CNGB3: variants seen among roughly 807,000 people sequenced by gnomAD.
CNGB3 encodes the protein cyclic nucleotide gated channel subunit beta 3, also known as cyclic nucleotide-gated channel beta-3.
A neutral mutation model predicts 92.8 loss-of-function variants in CNGB3; 86 were observed. The observed-to-expected ratio is 0.93, with a 90% CI of 0.78 to 1.11. The LOEUF is 1.11. Ranked by LOEUF, CNGB3 falls within the 50% of genes least tolerant of loss-of-function variation. The probability of loss-of-function intolerance (pLI) is 0.00; values close to 1 mark genes in which losing one functional copy is unlikely to be tolerated. For missense variants in CNGB3, 1,026 were observed against 956.8 expected (o/e 1.07, Z -0.95); for synonymous variants, 333 against 332.7 (o/e 1.00, Z -0.01).
intron 3 of CNGB3, among the ~76,000 whole-genome samples, chr8:86,681,765 A>T (rs1450990905): frequency 6.6e-6 from 1 of 152,208 alleles, no homozygotes; most frequent in Non-Finnish European, 1.5e-5. Flanking sequence ...TTGGCTTCAG[A>T]TTTCTCATTG....
Position 86,654,003 on chromosome 8 carries a change from G to T in CNGB3, c.903+9C>A, listed in dbSNP as rs1289921727. ...CACGTGAGCAACTTTGAAATTGTTT[G>T]TCACCTACCTGAAATTTTGTAGAAG... On this transcript the variant is annotated intron_variant, in intron 7 of 17. Coordinates refer to ENST00000320005, the MANE Select transcript of CNGB3 (RefSeq NM_019098.5). 2 of 1,570,604 alleles carry T rather than the reference G, an allele frequency of 1.3e-6. No homozygotes were observed. Among genetic ancestry groups the T allele is most frequent in the Non-Finnish European group, 8.8e-7 (1 of 1,140,716 alleles).
chr8:86,712,339 G>A (rs1355148476), intron 3 of CNGB3, among the ~76,000 whole-genome samples: 1 of 151,942 alleles, frequency 6.6e-6, no homozygotes, highest in Non-Finnish European at 1.5e-5. Flanking sequence ...TATTACTTCT[G>A]AATTTTGAAT....
chr8:86,651,625 A>T (rs1326119990), intron 7 of CNGB3, among the ~76,000 whole-genome samples: 11 of 151,840 alleles, frequency 7.2e-5, no homozygotes, highest in Admixed American at 7.2e-4. Context: ...TTTCTATTCA[A>T]TTCCTCAACT....
intron 3 of CNGB3, among the ~76,000 whole-genome samples, chr8:86,708,994 A>T (rs549955468): frequency 6.6e-6 from 1 of 152,280 alleles, no homozygotes; most frequent in African/African-American, 2.4e-5. Flanking sequence ...GTGGCTGGTC[A>T]CTCATGTGCA....
chr8:86,635,861 T>TATATATAC (rs796498363), intron 10 of CNGB3, among the ~76,000 whole-genome samples: 1,067 of 65,850 alleles, frequency 0.016, 18 homozygotes, highest in Non-Finnish European at 0.02. Context: ...TATATATATA[T>TATATATAC]ATACACATAC....
intron 6 of CNGB3, among the ~76,000 whole-genome samples, chr8:86,664,989 G>A (rs4960986): frequency 0.88 from 133,300 of 152,240 alleles, 58,494 homozygotes; most frequent in East Asian, 1. Flanking sequence ...TGAGTTCTGA[G>A]AATATGAACA....
chr8:86,582,439 A>C (rs1821806592), intron 15 of CNGB3, among the ~76,000 whole-genome samples: 1 of 152,010 alleles, frequency 6.6e-6, no homozygotes, highest in Non-Finnish European at 1.5e-5. Flanking sequence ...TTAATGTCAG[A>C]TACAAAACCA....
At chr8:86,742,143 G>C (rs1444486688) in intron 1 of CNGB3, among the ~76,000 whole-genome samples, 1 of 152,174 alleles carries the variant, frequency 6.6e-6, no homozygotes, top group Non-Finnish European at 1.5e-5. Context: ...TGTTCTCCAA[G>C]AGAATAATAT....
intron 15 of CNGB3, among the ~76,000 whole-genome samples, chr8:86,582,780 AAC>A (rs978156795): frequency 5.9e-5 from 9 of 152,340 alleles, no homozygotes; most frequent in African/African-American, 2.2e-4. Flanking sequence ...GAAAAACAAA[AAC>A]AGAGGGAATC....
At chr8:86,724,643 A>T (rs1050603954) in intron 3 of CNGB3, among the ~76,000 whole-genome samples, 1 of 152,176 alleles carries the variant, frequency 6.6e-6, no homozygotes, top group Non-Finnish European at 1.5e-5. Flanking sequence ...AAAATGCATC[A>T]GCAATAAATG....
At chr8:86,688,679 C>G (rs947163745) in intron 3 of CNGB3, among the ~76,000 whole-genome samples, 3 of 151,850 alleles carry the variant, frequency 2.0e-5, no homozygotes, top group Admixed American at 6.6e-5. Context: ...TTTTTCATCT[C>G]TCATTTTATT....
rs534575667 is a variant in CNGB3 at position 86,601,329 on chromosome 8, C to T, written c.1781+2764G>A. 7.2e-5 allele frequency among the ~76,000 whole-genome samples: 11 copies of T among 152,244 alleles called. No homozygotes were observed. The East Asian group carries it at 1.7e-3, about 24-fold the overall frequency. On this transcript the variant is annotated intron_variant, in intron 15 of 17. Transcript: ENST00000320005. Reference sequence around the variant, plus strand: ...TGTAAGGAAAATGATGGACCTGGAACCACCACAAGGCCATCTCTCAGCAGA... The same window carrying T: ...TGTAAGGAAAATGATGGACCTGGAATCACCACAAGGCCATCTCTCAGCAGA...
At chr8:86,691,840 G>C (rs954575109) in intron 3 of CNGB3, among the ~76,000 whole-genome samples, 1 of 152,020 alleles carries the variant, frequency 6.6e-6, no homozygotes, top group African/African-American at 2.4e-5. Context: ...TGCTCTTTCA[G>C]ATTTCTTGTT....
At chr8:86,742,167 G>T (rs1458119) in intron 1 of CNGB3, among the ~76,000 whole-genome samples, 108,465 of 152,074 alleles carry the variant, frequency 0.71, 38,800 homozygotes, top group South Asian at 0.8. Context: ...AGCTATTAAC[G>T]GTTTTTATGT....
At chr8:86,640,903 G>C (rs1823170493) in intron 10 of CNGB3, among the ~76,000 whole-genome samples, 1 of 151,982 alleles carries the variant, frequency 6.6e-6, no homozygotes, top group Admixed American at 6.6e-5. Context: ...CTCTTGAAAA[G>C]GGGCTGGGTA....
Position 86,575,831 on chromosome 8 carries a change from A to C in CNGB3, c.2403T>G (p.Ile801Met). 1 of 1,613,918 alleles carries C rather than the reference A, an allele frequency of 6.2e-7. No individual in the cohort carries two copies. The highest frequency in any genetic ancestry group is 8.5e-7 in the Non-Finnish European group (1 of 1,179,944). ...ATTGCTTAGCCTTTTCTTTGACTTC[A>C]ATAGTAAGAACCTCTTCTCCGCCCT... ...SAEGGEEVLT[I>M]EVKEKAKQ The change falls in exon 18 of 18, where the codon ATT becomes ATG. Residue 801 changes from isoleucine to methionine, a missense_variant. By Grantham distance (10) the Ile-to-Met change is conservative. Transcript: ENST00000320005.
At chr8:86,723,494 T>G (rs558227967) in intron 3 of CNGB3, among the ~76,000 whole-genome samples, 1 of 152,242 alleles carries the variant, frequency 6.6e-6, no homozygotes, top group South Asian at 2.1e-4. Context: ...AAGTAATAAT[T>G]TCAATAATTA....
At chr8:86,610,544 G>A (rs937694483) in intron 14 of CNGB3, among the ~76,000 whole-genome samples, 2 of 152,016 alleles carry the variant, frequency 1.3e-5, no homozygotes, top group East Asian at 3.9e-4. Flanking sequence ...GGAAGGACAG[G>A]TGCCCCTCCT....
intron 3 of CNGB3, among the ~76,000 whole-genome samples, chr8:86,697,913 T>TG (rs1824481055): frequency 6.6e-6 from 1 of 152,102 alleles, no homozygotes; most frequent in Non-Finnish European, 1.5e-5. Flanking sequence ...GTCCTTGCGA[T>TG]AGTTTGCTCA....
Sources: gnomAD v4.1 joint callset for allele counts (sites outside exome capture counted in the v4.1 genomes callset) on GRCh38, gnomAD v4.1.1 for gene constraint, MANE v1.5 for transcripts, NCBI Gene and HGNC (gene_info 2026-07-23, HGNC 2026-07-21) for gene names.